ME3: variants seen among roughly 807,000 people sequenced by gnomAD.
ME3 encodes malic enzyme 3, also known as NADP-dependent malic enzyme, mitochondrial.
In ME3, 48 loss-of-function variants were observed where a neutral mutation model predicts 68.9. The observed-to-expected ratio is 0.70, with a 90% CI of 0.55 to 0.89. The LOEUF is 0.89. ME3 is among the 40% of genes least tolerant of loss of function. The pLI, the probability that ME3 is intolerant of heterozygous loss-of-function variation, is 0.00. For missense variants in ME3, 675 were observed against 797.4 expected, an observed-to-expected ratio of 0.85 and a Z score of 1.85; for synonymous variants, 320 against 318.8, an observed-to-expected ratio of 1.00 and a Z score of -0.04.
chr11:86,646,454 G>A (rs1362648622), intron 2 of ME3, among the ~76,000 whole-genome samples: 3 of 152,212 alleles, frequency 2.0e-5, no homozygotes, highest in African/African-American at 7.2e-5. Flanking sequence ...GGATATCAGA[G>A]ACTGTAGATT....
intron 2 of ME3, among the ~76,000 whole-genome samples, chr11:86,560,738 G>A (rs1252846382): frequency 4.7e-4 from 25 of 53,728 alleles, no homozygotes; most frequent in Non-Finnish European, 6.8e-4. Context: ...GTGTGTGTGT[G>A]TGTGTGTGTG....
intron 4 of ME3, among the ~76,000 whole-genome samples, chr11:86,511,111 C>G (rs1953490454): frequency 6.6e-6 from 1 of 152,222 alleles, no homozygotes; most frequent in Non-Finnish European, 1.5e-5. Context: ...ACACTACCTC[C>G]TTTATCCACG....
At chr11:86,655,692 G>A (rs1174363883) in intron 2 of ME3, among the ~76,000 whole-genome samples, 2 of 151,654 alleles carry the variant, frequency 1.3e-5, no homozygotes, top group African/African-American at 4.8e-5. Context: ...GCATGGGCAA[G>A]GACTTCATGT....
intron 2 of ME3, among the ~76,000 whole-genome samples, chr11:86,601,744 G>C (rs1164128298): frequency 1.3e-5 from 2 of 151,854 alleles, no homozygotes; most frequent in African/African-American, 4.8e-5. Flanking sequence ...ACATCAAAAA[G>C]CTTATCCACC....
chr11:86,546,607 C>T (rs141280751), intron 4 of ME3, among the ~76,000 whole-genome samples: 2,120 of 152,210 alleles, frequency 0.014, 46 homozygotes, highest in African/African-American at 0.048. Context: ...AAATCAAAAG[C>T]ACAATGAGAT....
rs372488749 is a variant in ME3, at chr11:86,536,873, T to C, written c.467+19680A>G. On this transcript the variant is annotated intron_variant, in intron 4 of 14. Coordinates refer to ENST00000543262, the Ensembl canonical transcript of ME3. ...GCAGCATTTTTCACAATAGCAAAGATTTGGAACCAACCCAAATGTCCAACA... is the reference window on the plus strand; with the variant it reads ...GCAGCATTTTTCACAATAGCAAAGACTTGGAACCAACCCAAATGTCCAACA... Among the ~76,000 whole-genome samples, 12 of 152,216 alleles carry C rather than the reference T, an allele frequency of 7.9e-5. No homozygotes were observed. In the South Asian group the frequency reaches 1.2e-3, roughly 16 times the overall value.
chr11:86,668,743 C>A (rs1401262357), intron 2 of ME3, among the ~76,000 whole-genome samples: 2 of 152,208 alleles, frequency 1.3e-5, no homozygotes, highest in Non-Finnish European at 2.9e-5. Flanking sequence ...CTCCTGACCA[C>A]CCTCTGTCAT....
chr11:86,539,187 T>C (rs1955880751), intron 4 of ME3, among the ~76,000 whole-genome samples: 1 of 152,126 alleles, frequency 6.6e-6, no homozygotes. Flanking sequence ...AGTCTATGAT[T>C]CTTGGCTTTT....
downstream of ME3, among the ~76,000 whole-genome samples, chr11:86,440,371 C>T (rs1290648053): frequency 6.6e-6 from 1 of 152,156 alleles, no homozygotes; most frequent in Non-Finnish European, 1.5e-5. Context: ...AAGAAACACC[C>T]AGGATGGACT....
chr11:86,645,493 T>C (rs766078032), intron 2 of ME3, among the ~76,000 whole-genome samples: 33 of 152,114 alleles, frequency 2.2e-4, no homozygotes, highest in Non-Finnish European at 3.8e-4. Context: ...GTAGCCAGAC[T>C]CTCTAGATTT....
At chr11:86,595,306 T>TAG (rs34224480) in intron 2 of ME3, among the ~76,000 whole-genome samples, 3,732 of 79,788 alleles carry the variant, frequency 0.047, 437 homozygotes, top group African/African-American at 0.13. Flanking sequence ...TATATATATA[T>TAG]AGAGAGAGAG....
Position 86,479,822 on chromosome 11 carries a change from C to CTTTCTTT in ME3, c.809+7514_809+7515insAAAGAAA, listed in dbSNP as rs143860951. On this transcript the variant is annotated intron_variant, in intron 7 of 14. Transcript: ENST00000543262. Reference sequence around the variant, plus strand: ...ACACAGCTGATGTCTTTTTTTCTTTCTTTTTTTTTTGAGATGGAATCTCAC... The same window carrying CTTTCTTT: ...ACACAGCTGATGTCTTTTTTTCTTTCTTTCTTTTTTTTTTTTTGAGATGGAATCTCAC... Among the ~76,000 whole-genome samples, 128 of 147,378 alleles carry CTTTCTTT rather than the reference C, an allele frequency of 8.7e-4. 1 individual carries two copies. Among genetic ancestry groups the CTTTCTTT allele is most frequent in the Non-Finnish European group, 1.1e-3 (74 of 66,954 alleles).
At chr11:86,545,003 G>T (rs1956279186) in intron 4 of ME3, among the ~76,000 whole-genome samples, 1 of 152,198 alleles carries the variant, frequency 6.6e-6, no homozygotes, top group Admixed American at 6.5e-5. Flanking sequence ...TCCTGGGGAT[G>T]CATGGCTGGT....
At chr11:86,638,527 CAT>C (rs1944480606) in intron 2 of ME3, among the ~76,000 whole-genome samples, 1 of 152,106 alleles carries the variant, frequency 6.6e-6, no homozygotes, top group South Asian at 2.1e-4. Context: ...GACGAAAACT[CAT>C]GTGAAGTGTA....
intron 4 of ME3, 22 bp downstream of exon 4, chr11:86,556,531 C>G: frequency 6.2e-7 from 1 of 1,607,848 alleles, no homozygotes; most frequent in Non-Finnish European, 8.5e-7. Context: ...CCTCCCAGAG[C>G]CCTCACTCCA....
At chr11:86,545,619 AC>A (rs1956315499) in intron 4 of ME3, among the ~76,000 whole-genome samples, 1 of 152,204 alleles carries the variant, frequency 6.6e-6, no homozygotes, top group Admixed American at 6.5e-5. Flanking sequence ...GATGTGAAGG[AC>A]CCATTCAAGG....
chr11:86,661,831 A>AGTATT lies in ME3; in HGVS notation c.183+9926_183+9930dup, dbSNP rs57724567. The stretch of plus-strand genomic sequence containing the variant: ...TACGCTATAAGCTCCTTCAAGGCAG[A>AGTATT]GTATTGTATTGTATTGTATTGTATT... On this transcript the variant is annotated intron_variant, in intron 2 of 14. Transcript: ENST00000543262. 2.4e-3 allele frequency among the ~76,000 whole-genome samples: 365 copies of AGTATT among 150,136 alleles called. 2 individuals are homozygous for AGTATT. Among genetic ancestry groups the AGTATT allele is most frequent in the African/African-American group, 7.3e-3 (295 of 40,640 alleles).
chr11:86,613,063 C>A (rs1565214987), intron 2 of ME3, among the ~76,000 whole-genome samples: 1 of 152,116 alleles, frequency 6.6e-6, no homozygotes, highest in Non-Finnish European at 1.5e-5. Context: ...TAAGTCTTTA[C>A]TCCATCTTGA....
intron 2 of ME3, among the ~76,000 whole-genome samples, chr11:86,611,310 G>C (rs909681906): frequency 1.3e-5 from 2 of 151,912 alleles, no homozygotes; most frequent in Admixed American, 1.3e-4. Flanking sequence ...TCTCCTTACA[G>C]CAGACACTTG....
Sources: gnomAD v4.1 joint callset for allele counts (sites outside exome capture counted in the v4.1 genomes callset) on GRCh38, gnomAD v4.1.1 for gene constraint, MANE v1.5 for transcripts, NCBI Gene and HGNC (gene_info 2026-07-23, HGNC 2026-07-21) for gene names.